The following CNOT6 variants were observed in gnomAD, a reference collection of about 807,000 sequenced individuals.
CNOT6 encodes CCR4-NOT transcription complex subunit 6, also known as carbon catabolite repression 4 protein.
Under a neutral mutation model 61.2 loss-of-function variants are expected in CNOT6, and 12 were observed. That is an observed-to-expected ratio of 0.20 (90% CI 0.13 to 0.32). The LOEUF (loss-of-function observed/expected upper bound fraction) is 0.32. Among genes scored for constraint, CNOT6 ranks in the 10% least tolerant of loss-of-function variants. The pLI is 1.00. For synonymous variants in CNOT6, 225 were observed against 240.6 expected, an observed-to-expected ratio of 0.94 and a Z score of 0.60; for missense variants, 405 against 663.9, an observed-to-expected ratio of 0.61 and a Z score of 4.28.
At chr5:180,550,892 A>G (rs896541008) in intron 3 of CNOT6, among the ~76,000 whole-genome samples, 3 of 152,130 alleles carry the variant, frequency 2.0e-5, no homozygotes, top group African/African-American at 7.2e-5. Context: ...AATATATAGC[A>G]TTTGGATTCA....
At chr5:180,505,140 T>G (rs1757065724) in intron 1 of CNOT6, among the ~76,000 whole-genome samples, 1 of 149,252 alleles carries the variant, frequency 6.7e-6, no homozygotes, top group African/African-American at 2.5e-5. Context: ...TTTTGTATTT[T>G]TAGTAGAGAC....
At chr5:180,546,655 A>ATC in intron 2 of CNOT6, among the ~76,000 whole-genome samples, 1 of 152,226 alleles carries the variant, frequency 6.6e-6, no homozygotes, top group Non-Finnish European at 1.5e-5. Flanking sequence ...AGAGAAAATA[A>ATC]TCTCATACAT....
chr5:180,536,945 G>A (rs1344372195), intron 2 of CNOT6, among the ~76,000 whole-genome samples: 1 of 152,168 alleles, frequency 6.6e-6, no homozygotes, highest in Non-Finnish European at 1.5e-5. Flanking sequence ...AGTAATAGAT[G>A]TTTATGTTTT....
chr5:180,561,118 T>TTTTG (rs1200491812), intron 4 of CNOT6, among the ~76,000 whole-genome samples: 6 of 151,944 alleles, frequency 3.9e-5, no homozygotes, highest in Admixed American at 6.6e-5. Context: ...GCCTGGCTAG[T>TTTTG]TTTGTTTGTT....
intron 2 of CNOT6, among the ~76,000 whole-genome samples, chr5:180,531,102 C>T (rs1055424243): frequency 1.3e-5 from 2 of 151,622 alleles, no homozygotes; most frequent in African/African-American, 2.4e-5. Flanking sequence ...GATGGGGTGG[C>T]GGCCGGGCAG....
chr5:180,563,588 T>G (rs1463871153), intron 4 of CNOT6, among the ~76,000 whole-genome samples: 1 of 152,144 alleles, frequency 6.6e-6, no homozygotes, highest in Non-Finnish European at 1.5e-5. Flanking sequence ...TTCCTTTAGG[T>G]TTTGATCATT....
intron 2 of CNOT6, among the ~76,000 whole-genome samples, chr5:180,546,252 C>G (rs916868869): frequency 1.3e-5 from 2 of 152,122 alleles, no homozygotes; most frequent in African/African-American, 4.8e-5. Context: ...CACCATCTTG[C>G]TATTTTTTTA....
intron 3 of CNOT6, among the ~76,000 whole-genome samples, chr5:180,550,436 C>T (rs1198512843): frequency 4.0e-5 from 6 of 151,826 alleles, no homozygotes; most frequent in African/African-American, 9.7e-5. Context: ...GGTGACAGAG[C>T]GAGAGTCCAT....
intron 7 of CNOT6, among the ~76,000 whole-genome samples, chr5:180,566,564 C>T (rs1760467693): frequency 6.6e-6 from 1 of 151,398 alleles, no homozygotes; most frequent in African/African-American, 2.4e-5. Context: ...ATGAGTTGCC[C>T]TTGGTACCTA....
intron 2 of CNOT6, among the ~76,000 whole-genome samples, chr5:180,536,032 G>C (rs1266795490): frequency 3.9e-5 from 4 of 102,924 alleles, no homozygotes; most frequent in Admixed American, 1.6e-4. Context: ...GTCTCACTCT[G>C]TTGCCCAGGC....
In CNOT6 at chr5:180,569,336, C is replaced by T; in HGVS notation, c.1254C>T (p.Asp418=). The change falls in exon 10 of 12, where the codon GAC becomes GAT. Residue 418 remains aspartate (D), a synonymous_variant. Transcript: ENST00000261951. ...VLCADLNSLP[D]SGVVEYLSTG... is the part of the protein sequence containing the mutation. ...GTGCAGATCTTAATTCTTTGCCAGACTCTGGTAAGAAAATAATGTGATTTT... is the reference window on the plus strand; with the variant it reads ...GTGCAGATCTTAATTCTTTGCCAGATTCTGGTAAGAAAATAATGTGATTTT... 6.3e-7 allele frequency: 1 copy of T among 1,586,546 alleles called. No individual in the cohort carries two copies. Among genetic ancestry groups the T allele is most frequent in the East Asian group, 2.2e-5 (1 of 44,644 alleles).
chr5:180,572,779 C>T (rs1760817156), intron 11 of CNOT6, among the ~76,000 whole-genome samples: 4 of 150,980 alleles, frequency 2.6e-5, no homozygotes, highest in Admixed American at 2.6e-4. Flanking sequence ...CAATCTTGAA[C>T]CCCTGGCCTC....
chr5:180,529,068 G>T (rs2127720181), intron 1 of CNOT6, among the ~76,000 whole-genome samples: 1 of 152,136 alleles, frequency 6.6e-6, no homozygotes, highest in South Asian at 2.1e-4. Flanking sequence ...AATGAGCCCG[G>T]CATGGTGGTG....
chr5:180,522,678 TCTCA>T (rs1757929243), intron 1 of CNOT6, among the ~76,000 whole-genome samples: 2 of 151,914 alleles, frequency 1.3e-5, no homozygotes, highest in South Asian at 4.2e-4. Flanking sequence ...TGAGACAGGG[TCTCA>T]CTCTTGCCCA....
At chr5:180,573,050 G>T (rs1760828347) in intron 11 of CNOT6, among the ~76,000 whole-genome samples, 1 of 152,192 alleles carries the variant, frequency 6.6e-6, no homozygotes, top group Admixed American at 6.5e-5. Flanking sequence ...ATCCTCAGGT[G>T]CCCCTTCCTT....
chr5:180,535,594 T>C (rs1407348174), intron 2 of CNOT6, among the ~76,000 whole-genome samples: 1 of 152,268 alleles, frequency 6.6e-6, no homozygotes, highest in Non-Finnish European at 1.5e-5. Context: ...GTATCTTTGC[T>C]ATTGTGAATA....
chr5:180,532,951 C>T (rs1758466311), intron 2 of CNOT6, among the ~76,000 whole-genome samples: 2 of 152,196 alleles, frequency 1.3e-5, no homozygotes, highest in Admixed American at 6.5e-5. Flanking sequence ...GCACACCACC[C>T]TTCAGGAGGA....
chr5:180,497,840 T>C (rs1422160762), intron 1 of CNOT6, among the ~76,000 whole-genome samples: 1 of 152,106 alleles, frequency 6.6e-6, no homozygotes, highest in Non-Finnish European at 1.5e-5. Context: ...GGTTAGGAGT[T>C]CGAGACCAGC....
chr5:180,523,122 G>T (rs138999242), intron 1 of CNOT6, among the ~76,000 whole-genome samples: 5 of 152,346 alleles, frequency 3.3e-5, no homozygotes, highest in Admixed American at 3.3e-4. Context: ...ACACTCAGGT[G>T]TGTGGTATAT....
Sources: gnomAD v4.1 joint callset for allele counts (sites outside exome capture counted in the v4.1 genomes callset) on GRCh38, gnomAD v4.1.1 for gene constraint, MANE v1.5 for transcripts, NCBI Gene and HGNC (gene_info 2026-07-23, HGNC 2026-07-21) for gene names.